FAM20A: variants seen among roughly 807,000 people sequenced by gnomAD.
The protein encoded by FAM20A is pseudokinase FAM20A.
Under a neutral mutation model 52.0 loss-of-function variants are expected in FAM20A, and 42 were observed. That is an observed-to-expected ratio of 0.81 (90% CI 0.63 to 1.04). FAM20A has a LOEUF of 1.04. Among genes scored for constraint, FAM20A ranks in the 50% least tolerant of loss-of-function variants. The pLI is 0.00. For synonymous variants in FAM20A, 304 were observed against 298.9 expected (o/e 1.02, Z -0.18); for missense variants, 742 against 712.7 (o/e 1.04, Z -0.47).
chr17:68,566,449 T>C (rs1300619066), intron 1 of FAM20A, among the ~76,000 whole-genome samples: 1 of 152,172 alleles, frequency 6.6e-6, no homozygotes, highest in Admixed American at 6.5e-5. Flanking sequence ...TTACAAAATA[T>C]TTTAGGGGTT....
chr17:68,575,382 C>CATATAT (rs3059287), intron 1 of FAM20A, among the ~76,000 whole-genome samples: 5 of 129,066 alleles, frequency 3.9e-5, no homozygotes, highest in African/African-American at 1.4e-4. Flanking sequence ...CTTTACTTTA[C>CATATAT]ATATATATAT....
In FAM20A at chr17:68,600,055, T is replaced by A. The variant is rs1248641834; in HGVS notation, c.404+208A>T. Among the ~76,000 whole-genome samples the A allele has an allele frequency of 6.6e-6, 1 of 152,212 alleles. No individual in the cohort carries two copies. Among genetic ancestry groups the A allele is most frequent in the Non-Finnish European group, 1.5e-5 (1 of 68,040 alleles). On this transcript the variant is annotated intron_variant, in intron 1 of 10. Transcript: ENST00000592554. This position sits in a 1 kb window ranked among gnomAD's most constrained non-coding sequence, Gnocchi z 6.2. ...GGCTGCAATAGAAACTTTTTCCTCG[T>A]ACTATCTGACTCCGGGACTGGACTG...
At chr17:68,567,460 A>G (rs2143778582) in intron 1 of FAM20A, among the ~76,000 whole-genome samples, 1 of 152,016 alleles carries the variant, frequency 6.6e-6, no homozygotes, top group East Asian at 1.9e-4. Flanking sequence ...TGCCCAGTGA[A>G]GGCCACCTGT....
intron 3 of FAM20A, among the ~76,000 whole-genome samples, chr17:68,553,759 TATATATACATATATAC>T (rs147544947): frequency 6.7e-6 from 1 of 148,662 alleles, no homozygotes; most frequent in East Asian, 1.9e-4. Flanking sequence ...TATATATACA[TATATATACATATATAC>T]ATATATACAT....
rs190174950 is a variant in FAM20A, at chr17:68,580,310, G to A, written c.404+19953C>T. Among the ~76,000 whole-genome samples, 317 of 152,364 alleles carry A rather than the reference G, an allele frequency of 2.1e-3. 1 individual carries two copies. Among genetic ancestry groups the A allele is most frequent in the African/African-American group, 7.3e-3 (302 of 41,584 alleles). On this transcript the variant is annotated intron_variant, in intron 1 of 10. Coordinates refer to ENST00000592554, the MANE Select transcript of FAM20A (RefSeq NM_017565.4). ...AACCTGATTAACTGTTTGCTGTTGAGAAAGCAATGACTGTACCAAGATTTT... is the reference window on the plus strand; with the variant it reads ...AACCTGATTAACTGTTTGCTGTTGAAAAAGCAATGACTGTACCAAGATTTT...
chr17:68,547,436 G>C (rs1158883353), intron 4 of FAM20A, among the ~76,000 whole-genome samples: 1 of 152,096 alleles, frequency 6.6e-6, no homozygotes, highest in Non-Finnish European at 1.5e-5. Flanking sequence ...CCAATAGAAG[G>C]CTGTTTCATC....
intron 4 of FAM20A, among the ~76,000 whole-genome samples, chr17:68,549,165 C>T (rs767042758): frequency 6.6e-6 from 1 of 152,166 alleles, no homozygotes; most frequent in Non-Finnish European, 1.5e-5. Flanking sequence ...GAGAGTGGAG[C>T]TCATCCATTG....
At position 68,542,768 on chromosome 17, in the gene FAM20A, A is replaced by G. The variant is rs769085750; in HGVS notation, c.854T>C (p.Ile285Thr). 2.3e-5 allele frequency: 37 copies of G among 1,613,990 alleles called. No homozygotes were observed. Among genetic ancestry groups the G allele is most frequent in the Middle Eastern group, 1.6e-4 (1 of 6,084 alleles). ...TAGGATTTCCTTGGTGACATTTACT[A>G]TCCTCCCCACTGTTGGCGGCACCCG... The part of the protein sequence containing the change: ...FRRVPPTVGR[I>T]VNVTKEILEV... The change falls in exon 6 of 11, where the codon ATA (isoleucine) becomes ACA (threonine). Residue 285 changes from isoleucine to threonine, a missense_variant. Physicochemically the swap from Ile to Thr is moderately conservative, Grantham distance 89 (BLOSUM62 -1). Coordinates refer to ENST00000592554, the MANE Select transcript of FAM20A (RefSeq NM_017565.4).
At chr17:68,590,062 C>T (rs1346876906) in intron 1 of FAM20A, 1 of 152,148 alleles carries the variant, frequency 6.6e-6, no homozygotes, top group Non-Finnish European at 1.5e-5. Flanking sequence ...TTACTGGAGG[C>T]AGGATCATAA....
intron 4 of FAM20A, among the ~76,000 whole-genome samples, chr17:68,547,696 G>T (rs1322406950): frequency 6.6e-6 from 1 of 152,162 alleles, no homozygotes; most frequent in Non-Finnish European, 1.5e-5. Flanking sequence ...TTAAGCTTTG[G>T]CTTAAGGGAA....
intron 1 of FAM20A, among the ~76,000 whole-genome samples, chr17:68,573,432 TTC>T (rs1273636252): frequency 7.5e-6 from 1 of 132,536 alleles, no homozygotes; most frequent in Non-Finnish European, 1.6e-5. Flanking sequence ...TTTCTTTCCT[TTC>T]TCTTTCTTTC....
intron 4 of FAM20A, chr17:68,551,369 A>C: frequency 2.7e-6 from 1 of 366,240 alleles, no homozygotes; most frequent in Non-Finnish European, 4.8e-6. Flanking sequence ...AGTTGAAACA[A>C]GTATTGTGGT....
At chr17:68,541,811 G>T (rs1049207268) in intron 7 of FAM20A, 174 bp downstream of exon 7, 6 of 713,100 alleles carry the variant, frequency 8.4e-6, no homozygotes, top group Non-Finnish European at 1.4e-5. Flanking sequence ...CTGAATAAAT[G>T]AACTAAAGGG....
At chr17:68,589,728 A>T (rs1322002873) in intron 1 of FAM20A, among the ~76,000 whole-genome samples, 2 of 152,258 alleles carry the variant, frequency 1.3e-5, no homozygotes, top group African/African-American at 2.4e-5. Flanking sequence ...AATGTATGAA[A>T]TAGACACAAT....
At chr17:68,575,791 TACACACACACACACACAC>T (rs761949775) in intron 1 of FAM20A, among the ~76,000 whole-genome samples, 2 of 104,216 alleles carry the variant, frequency 1.9e-5, no homozygotes, top group Non-Finnish European at 3.6e-5. Context: ...TTTTATATTA[TACACACACACACACACAC>T]ACACACACAC....
intron 6 of FAM20A, 21 bp from the exon 7 acceptor site, chr17:68,542,186 A>G: frequency 6.2e-7 from 1 of 1,613,422 alleles, no homozygotes; most frequent in Non-Finnish European, 8.5e-7. Flanking sequence ...GGGAGGAGAG[A>G]GGAGGAGTAA....
At chr17:68,551,749 G>T in intron 4 of FAM20A, 124 bp downstream of exon 4, 1 of 639,168 alleles carries the variant, frequency 1.6e-6, no homozygotes, top group Non-Finnish European at 2.9e-6. Flanking sequence ...TTCTGTGCTT[G>T]GGCAGATTAG....
chr17:68,589,205 G>T (rs995168333), intron 1 of FAM20A, among the ~76,000 whole-genome samples: 4 of 152,186 alleles, frequency 2.6e-5, no homozygotes, highest in African/African-American at 9.7e-5. Context: ...TGGAGGCCAC[G>T]TGGAGCCAAG....
At chr17:68,579,682 T>C (rs1003693078) in intron 1 of FAM20A, among the ~76,000 whole-genome samples, 3 of 152,164 alleles carry the variant, frequency 2.0e-5, no homozygotes, top group Non-Finnish European at 4.4e-5. Flanking sequence ...TGAAGGTCAG[T>C]AGGGATTCTG....
Sources: allele counts gnomAD v4.1 joint callset (sites outside exome capture counted in the v4.1 genomes callset), GRCh38; gene constraint gnomAD v4.1.1; non-coding constraint Gnocchi (gnomAD v3.1); transcripts MANE v1.5; gene names NCBI Gene and HGNC (gene_info 2026-07-23, HGNC 2026-07-21).